Variants in KCNH7 observed in about 807,000 individuals in gnomAD.
The protein encoded by KCNH7 is potassium voltage-gated channel subfamily H member 7.
KCNH7 carries 49 observed loss-of-function variants against 120.8 expected under a neutral mutation model. The ratio of observed to expected loss-of-function variants is 0.41; its 90% CI spans 0.32 to 0.51. The LOEUF (loss-of-function observed/expected upper bound fraction) is 0.51, where lower values mean the gene tolerates loss of function less well. Ranked by LOEUF, KCNH7 falls within the 20% of genes least tolerant of loss-of-function variation. The probability of loss-of-function intolerance (pLI) is 0.38; values close to 1 mark genes in which losing one functional copy is unlikely to be tolerated. For missense variants in KCNH7, 1,097 were observed against 1,446.6 expected, an observed-to-expected ratio of 0.76 and a Z score of 3.92; for synonymous variants, 547 against 516.1, an observed-to-expected ratio of 1.06 and a Z score of -0.81.
intron 6 of KCNH7, among the ~76,000 whole-genome samples, chr2:162,470,971 T>A (rs1008975975): frequency 6.6e-6 from 1 of 152,184 alleles, no homozygotes; most frequent in Non-Finnish European, 1.5e-5. Context: ...CTCTGAAACA[T>A]GTGCTGTGTC....
At chr2:162,521,643 A>G (rs1691527192) in intron 3 of KCNH7, among the ~76,000 whole-genome samples, 1 of 151,846 alleles carries the variant, frequency 6.6e-6, no homozygotes, top group African/African-American at 2.4e-5. Context: ...AGTTGTACAT[A>G]TTTATGAAGT....
chr2:162,540,494 A>G (rs1692266435), intron 2 of KCNH7, among the ~76,000 whole-genome samples: 2 of 152,110 alleles, frequency 1.3e-5, no homozygotes, highest in Admixed American at 6.6e-5. Flanking sequence ...GCATTTTACA[A>G]TAAGATGATG....
At chr2:162,705,647 T>C (rs985623328) in intron 2 of KCNH7, among the ~76,000 whole-genome samples, 16 of 152,128 alleles carry the variant, frequency 1.1e-4, no homozygotes, top group Non-Finnish European at 1.9e-4. Context: ...ATCTTTGAGC[T>C]GATAAAATGG....
At position 162,672,587 on chromosome 2, in the gene KCNH7, A is replaced by G. The variant is rs1685397047; in HGVS notation, c.308-135507T>C. On this transcript the variant is annotated intron_variant, in intron 2 of 15. Coordinates refer to ENST00000332142, the MANE Select transcript of KCNH7 (RefSeq NM_033272.4). Reference sequence around the variant, plus strand: ...AACTCAGCAACAAACTTAAGAATGTATGAAATAATAACAAATGTTAATGAA... The same window carrying G: ...AACTCAGCAACAAACTTAAGAATGTGTGAAATAATAACAAATGTTAATGAA... Among the ~76,000 whole-genome samples, 4 of 152,064 alleles carry G rather than the reference A, an allele frequency of 2.6e-5. No individual in the cohort carries two copies. In the South Asian group the frequency reaches 8.3e-4, roughly 31 times the overall value.
chr2:162,398,993 C>G (rs1442312710), intron 10 of KCNH7, among the ~76,000 whole-genome samples: 1 of 151,732 alleles, frequency 6.6e-6, no homozygotes, highest in South Asian at 2.1e-4. Context: ...TGAGTCTGTG[C>G]CATGCCATAC....
rs191706269 is a variant in KCNH7 at position 162,789,389 on chromosome 2, T to G, written c.307+47148A>C. Among the ~76,000 whole-genome samples, 371 of 152,042 alleles carry G rather than the reference T, an allele frequency of 2.4e-3. 2 individuals carry two copies. Among genetic ancestry groups the G allele is most frequent in the Middle Eastern group, 0.01 (3 of 294 alleles). ...AAATTGATATAACTGAAGGGAGAAG[T>G]AAACAGCAATACAATAATAGTAGAA... On this transcript the variant is annotated intron_variant, in intron 2 of 15. Transcript: ENST00000332142.
At chr2:162,544,734 C>T (rs1181126245) in intron 2 of KCNH7, among the ~76,000 whole-genome samples, 1 of 152,104 alleles carries the variant, frequency 6.6e-6, no homozygotes, top group Non-Finnish European at 1.5e-5. Flanking sequence ...CTAACTTAGG[C>T]ATAATTCCCT....
intron 2 of KCNH7, among the ~76,000 whole-genome samples, chr2:162,695,420 A>G (rs992203003): frequency 3.3e-5 from 5 of 152,142 alleles, no homozygotes; most frequent in African/African-American, 7.2e-5. Flanking sequence ...CCAAAAACCC[A>G]TAGACAACAT....
rs147081849 is a variant in KCNH7, at chr2:162,443,004, C to A, written c.1554+3014G>T. ...ATCTATGAACATATGAAAGCCCTCT[C>A]CTGGGATTCCTCTTTATCCCAGATA... On this transcript the variant is annotated intron_variant, in intron 7 of 15. Transcript: ENST00000332142. Among the ~76,000 whole-genome samples, 293 of 152,280 alleles carry A rather than the reference C, an allele frequency of 1.9e-3. 1 individual carries two copies. Among genetic ancestry groups the A allele is most frequent in the African/African-American group, 6.6e-3 (273 of 41,554 alleles).
intron 7 of KCNH7, among the ~76,000 whole-genome samples, chr2:162,441,833 G>GTC: frequency 6.6e-6 from 1 of 152,040 alleles, no homozygotes; most frequent in East Asian, 1.9e-4. Context: ...TCTTTTTATT[G>GTC]TCTCTCTGGA....
rs187417348 is a variant in KCNH7, at chr2:162,572,881, A to T, written c.308-35801T>A. ...ATGGACACCGGAATGGGAACATCAC[A>T]CTCTGGGGACTGTTGTGGGGTGGGA... On this transcript the variant is annotated intron_variant, in intron 2 of 15. Transcript: ENST00000332142. Among the ~76,000 whole-genome samples, 460 of 151,740 alleles carry T rather than the reference A, an allele frequency of 3.0e-3. 3 individuals are homozygous for T. The highest frequency in any genetic ancestry group is 0.011 in the African/African-American group (438 of 41,368).
At chr2:162,429,222 T>C (rs1417091655) in intron 8 of KCNH7, among the ~76,000 whole-genome samples, 1 of 151,788 alleles carries the variant, frequency 6.6e-6, no homozygotes, top group Non-Finnish European at 1.5e-5. Flanking sequence ...GTAGGAATCT[T>C]ACAGCAATAT....
intron 1 of KCNH7, among the ~76,000 whole-genome samples, chr2:162,837,263 C>T (rs578033780): frequency 2.0e-5 from 3 of 152,282 alleles, no homozygotes; most frequent in African/African-American, 7.2e-5. Context: ...TTACACACAT[C>T]ATGTTAAAAA....
intron 2 of KCNH7, among the ~76,000 whole-genome samples, chr2:162,586,414 C>A (rs1454649621): frequency 2.0e-5 from 3 of 152,038 alleles, no homozygotes; most frequent in African/African-American, 7.2e-5. Flanking sequence ...TCCCAGCCAT[C>A]CCAGGTGAGC....
chr2:162,601,399 C>CTTTTTTTTTTTTT (rs60201823), intron 2 of KCNH7, among the ~76,000 whole-genome samples: 125 of 9,598 alleles, frequency 0.013, 35 homozygotes, highest in African/African-American at 0.02. Context: ...ACTTCTTGTG[C>CTTTTTTTTTTTTT]TTTTTTTTTT....
intron 2 of KCNH7, among the ~76,000 whole-genome samples, chr2:162,744,521 C>T (rs1688244468): frequency 6.6e-6 from 1 of 151,604 alleles, no homozygotes; most frequent in African/African-American, 2.4e-5. Flanking sequence ...TTAGCTGTGT[C>T]CTGACCGTTT....
intron 6 of KCNH7, among the ~76,000 whole-genome samples, chr2:162,487,511 A>G (rs989420671): frequency 2.0e-5 from 3 of 152,104 alleles, no homozygotes; most frequent in Non-Finnish European, 4.4e-5. Context: ...TGTGTTCCAG[A>G]TGATTCCATT....
chr2:162,537,101 T>G (rs746139995), intron 2 of KCNH7, 21 bp from the exon 3 acceptor site: 1 of 1,575,842 alleles, frequency 6.3e-7, no homozygotes, highest in East Asian at 2.2e-5. Flanking sequence ...TAAAAATGAA[T>G]GTTAGTTAAA....
At chr2:162,731,219 CATAT>C (rs59151335) in intron 2 of KCNH7, among the ~76,000 whole-genome samples, 18,949 of 138,932 alleles carry the variant, frequency 0.14, 1,379 homozygotes, top group East Asian at 0.35. Context: ...TGCATACATA[CATAT>C]ATATATATAT....
Sources: allele counts gnomAD v4.1 joint callset (sites outside exome capture counted in the v4.1 genomes callset), GRCh38; gene constraint gnomAD v4.1.1; transcripts MANE v1.5; gene names NCBI Gene and HGNC (gene_info 2026-07-23, HGNC 2026-07-21).